ATP11C: variants seen among roughly 807,000 people sequenced by gnomAD.
ATP11C encodes the protein phospholipid-transporting ATPase IG.
Under a neutral mutation model 97.4 loss-of-function variants are expected in ATP11C, and 36 were observed. The observed-to-expected ratio is 0.37, with a 90% CI of 0.28 to 0.49. The LOEUF (loss-of-function observed/expected upper bound fraction) is 0.49, where lower values mean the gene tolerates loss of function less well. Among genes scored for constraint, ATP11C ranks in the 20% least tolerant of loss-of-function variants. The pLI, the probability that ATP11C is intolerant of heterozygous loss-of-function variation, is 0.98. For synonymous variants in ATP11C, 275 were observed against 290.9 expected (o/e 0.95, Z 0.56); for missense variants, 730 against 824.6 (o/e 0.89, Z 1.40).
chrX:139,841,765 C>T (rs1901926137), intron 1 of ATP11C, among the ~76,000 whole-genome samples: 1 of 112,342 alleles, frequency 8.9e-6, no homozygotes, highest in Non-Finnish European at 1.9e-5. Context: ...AGGCAATAAA[C>T]AATAAAGTTT....
chrX:139,859,789 T>C lies in ATP11C; in HGVS notation c.28-32966A>G, dbSNP rs181973064. Among the ~76,000 whole-genome samples, 17 of 112,024 alleles carry C rather than the reference T, an allele frequency of 1.5e-4. No homozygotes were observed. In the East Asian group the frequency reaches 3.6e-3, roughly 24 times the overall value. ...GTATATAAATGCCAATTTTCAACAA[T>C]ATATATGGCACAAATGAAAAGAAAG... On this transcript the variant is annotated intron_variant, in intron 1 of 29. Coordinates refer to ENST00000682941, the MANE Select transcript of ATP11C (RefSeq NM_001353812.2).
chrX:139,870,705 T>C (rs1230118384), intron 1 of ATP11C, among the ~76,000 whole-genome samples: 12 of 112,574 alleles, frequency 1.1e-4, no homozygotes, highest in African/African-American at 3.9e-4. Context: ...ATTTGTAATA[T>C]ATAGTAAGTT....
chrX:139,791,159 C>CT (rs72344403), intron 12 of ATP11C, among the ~76,000 whole-genome samples: 19,856 of 105,033 alleles, frequency 0.19, 3,337 homozygotes, highest in African/African-American at 0.52. Context: ...GCATTCCAAT[C>CT]TTTTTTTTTT....
intron 27 of ATP11C, 63 bp from the exon 28 acceptor site, chrX:139,738,132 T>G (rs2081482839): frequency 1.1e-6 from 1 of 949,195 alleles, no homozygotes; most frequent in Non-Finnish European, 1.4e-6. Flanking sequence ...GAAATGGACA[T>G]TTAATTAAAA....
In ATP11C at chrX:139,826,917, T is replaced by C. The variant is rs576598022; in HGVS notation, c.28-94A>G. 2,209 of 950,793 alleles carry C rather than the reference T, an allele frequency of 2.3e-3. 48 individuals carry two copies. In the South Asian group the frequency reaches 0.051, roughly 22 times the overall value. The allele number at this position is 950,793 out of a possible 1,213,427, so 78.4% of individuals were successfully genotyped here. ...ATTCTTGTCCAAGCATGCTGGGCCA[T>C]AATCTGGCGAGAAAGTAGTAGGGAG... On this transcript the variant is annotated intron_variant, in intron 1 of 29. Coordinates refer to ENST00000682941, the MANE Select transcript of ATP11C (RefSeq NM_001353812.2).
At chrX:139,915,859 G>C (rs1428870803) in intron 1 of ATP11C, among the ~76,000 whole-genome samples, 1 of 111,285 alleles carries the variant, frequency 9.0e-6, no homozygotes, top group East Asian at 2.8e-4. Flanking sequence ...AGCTTATAGA[G>C]TTAATTCATT....
intron 1 of ATP11C, among the ~76,000 whole-genome samples, chrX:139,851,048 T>C (rs991652107): frequency 8.9e-6 from 1 of 111,892 alleles, no homozygotes; most frequent in African/African-American, 3.3e-5. Context: ...CAGAGATTCA[T>C]ACTAACAAAA....
intron 1 of ATP11C, among the ~76,000 whole-genome samples, chrX:139,878,520 T>C: frequency 8.9e-6 from 1 of 112,173 alleles, no homozygotes; most frequent in Non-Finnish European, 1.9e-5. Flanking sequence ...CCTTTAACTA[T>C]GGATTACATA....
intron 1 of ATP11C, among the ~76,000 whole-genome samples, chrX:139,834,499 T>C (rs2083716567): frequency 8.9e-6 from 1 of 111,968 alleles, no homozygotes; most frequent in African/African-American, 3.2e-5. Context: ...GATGCTGCTA[T>C]AAATATAACT....
chrX:139,870,018 C>G (rs1051624394), intron 1 of ATP11C, among the ~76,000 whole-genome samples: 2 of 109,811 alleles, frequency 1.8e-5, no homozygotes, highest in Admixed American at 9.8e-5. Flanking sequence ...AAGCCAGTCA[C>G]AGAAAAACAA....
chrX:139,811,563 C>CT (rs373554418), intron 5 of ATP11C, among the ~76,000 whole-genome samples: 109 of 103,677 alleles, frequency 1.1e-3, no homozygotes, highest in African/African-American at 1.5e-3. Flanking sequence ...CTTAATTATT[C>CT]TTTTTTTTTT....
intron 20 of ATP11C, 47 bp from the exon 21 acceptor site, chrX:139,763,465 G>A: frequency 1.0e-6 from 1 of 977,090 alleles, no homozygotes; most frequent in Non-Finnish European, 1.5e-6. Flanking sequence ...AAAGAAGAAT[G>A]TAAGACTGGG....
rs2081270446 is a variant in ATP11C, at chrX:139,727,427, A to G, written c.*1539T>C. 1 of 111,814 alleles carries G rather than the reference A, an allele frequency of 8.9e-6. No homozygotes were observed. Among genetic ancestry groups the G allele is most frequent in the African/African-American group, 3.3e-5 (1 of 30,745 alleles). 9.2% of individuals were successfully genotyped at this position (111,814 alleles called of 1,213,427 possible). A position where few individuals can be genotyped will look rare whatever the true frequency, so the allele number is the denominator to read the frequency against. ...TGCTCAAAAATAATACTGATATATG[A>G]GAGCAAATGAAATAATGAAAAAGGG... On this transcript the variant is annotated 3_prime_UTR_variant, in exon 30 of 30. Coordinates refer to ENST00000682941, the MANE Select transcript of ATP11C (RefSeq NM_001353812.2).
At chrX:139,848,488 TTTTG>T (rs1223531871) in intron 1 of ATP11C, among the ~76,000 whole-genome samples, 1 of 107,454 alleles carries the variant, frequency 9.3e-6, no homozygotes, top group African/African-American at 3.4e-5. Flanking sequence ...CTACTCTCTT[TTTTG>T]TTTTTTTTTT....
In ATP11C at chrX:139,886,983, G is replaced by A. The variant is rs151033416; in HGVS notation, c.27+45033C>T. On this transcript the variant is annotated intron_variant, in intron 1 of 29. Transcript: ENST00000682941. ...ATAAAGCTATAATATTCTAGACAGC[G>A]TAGGCAAAAGGGTAACATAGATCAA... 9.0e-3 allele frequency among the ~76,000 whole-genome samples: 1,004 copies of A among 111,032 alleles called. 14 individuals are homozygous for A. Among genetic ancestry groups the A allele is most frequent in the African/African-American group, 0.031 (948 of 30,704 alleles).
intron 1 of ATP11C, among the ~76,000 whole-genome samples, chrX:139,925,106 A>G (rs935921750): frequency 9.0e-6 from 1 of 111,721 alleles, no homozygotes; most frequent in African/African-American, 3.3e-5. Flanking sequence ...AGGTGAACAG[A>G]GAGTGTGCCC....
chrX:139,909,612 T>G (rs1002635557), intron 1 of ATP11C, among the ~76,000 whole-genome samples: 4 of 111,535 alleles, frequency 3.6e-5, no homozygotes, highest in African/African-American at 1.3e-4. Context: ...AAAACATTGG[T>G]GGACGGCATC....
At chrX:139,885,766 T>G (rs2084631085) in intron 1 of ATP11C, among the ~76,000 whole-genome samples, 2 of 110,935 alleles carry the variant, frequency 1.8e-5, no homozygotes. Context: ...ACAGAAAAAG[T>G]GCAAGATTCA....
chrX:139,826,585 C>T, intron 2 of ATP11C, 119 bp downstream of exon 2: 1 of 514,947 alleles, frequency 1.9e-6, no homozygotes, highest in Non-Finnish European at 3.1e-6. Flanking sequence ...GTATATGATC[C>T]ATATACATGC....
Sources: gnomAD v4.1 joint callset for allele counts (sites outside exome capture counted in the v4.1 genomes callset) on GRCh38, gnomAD v4.1.1 for gene constraint, MANE v1.5 for transcripts, NCBI Gene and HGNC (gene_info 2026-07-23, HGNC 2026-07-21) for gene names.